LRPPRC: variants seen among roughly 807,000 people sequenced by gnomAD.
LRPPRC encodes the protein leucine rich pentatricopeptide repeat containing.
A neutral mutation model predicts 180.3 loss-of-function variants in LRPPRC; 120 were observed. The observed-to-expected ratio is 0.67, with a 90% CI of 0.57 to 0.77. The LOEUF (loss-of-function observed/expected upper bound fraction) is 0.77, where lower values mean the gene tolerates loss of function less well. Among genes scored for constraint, LRPPRC ranks in the 30% least tolerant of loss-of-function variants. LRPPRC has a pLI of 0.00. For missense variants in LRPPRC, 2,012 were observed against 1,657.2 expected, an observed-to-expected ratio of 1.21 and a Z score of -3.72; for synonymous variants, 723 against 600.0, an observed-to-expected ratio of 1.21 and a Z score of -3.00.
In LRPPRC at chr2:43,949,903, C is replaced by T. The variant is rs539679939; in HGVS notation, c.1678-244G>A. On this transcript the variant is annotated intron_variant, in intron 15 of 37. Transcript: ENST00000260665. ...CTGCAATGTTTTGTGAAATGTCACA[C>T]AGAAAGACTCTAAACTGATTTATAA... Among the ~76,000 whole-genome samples the T allele has an allele frequency of 2.9e-4, 44 of 152,290 alleles. 1 individual carries two copies. The highest frequency in any genetic ancestry group is 9.6e-4 in the African/African-American group (40 of 41,554).
chr2:43,925,082 G>T lies in LRPPRC; in HGVS notation c.2881C>A (p.Leu961Met). The change falls in exon 27 of 38, where the codon CTG becomes ATG. Residue 961 changes from leucine to methionine, a missense_variant. Transcript: ENST00000260665. ...ECDRDQMYYN[L>M]LKLYKINGDW... ...AATCACTTACTATACAGTTTTAGCA[G>T]ATTGTAGTACATCTGGTCTCTATCA... The T allele has an allele frequency of 6.4e-7, 1 of 1,567,430 alleles. No individual in the cohort carries two copies. The highest frequency in any genetic ancestry group is 8.8e-7 in the Non-Finnish European group (1 of 1,137,480).
chr2:43,983,798 G>A (rs1674413341), intron 1 of LRPPRC, among the ~76,000 whole-genome samples: 1 of 152,040 alleles, frequency 6.6e-6, no homozygotes, highest in Admixed American at 6.6e-5. Flanking sequence ...TTTTACTAAA[G>A]GAAACTATAC....
At chr2:43,978,274 A>G (rs1172262262) in intron 3 of LRPPRC, among the ~76,000 whole-genome samples, 4 of 152,164 alleles carry the variant, frequency 2.6e-5, no homozygotes, top group African/African-American at 7.2e-5. Context: ...CTGGCAAACT[A>G]CAAGGTTTCT....
rs936625438 is a variant in LRPPRC at position 43,928,121 on chromosome 2, A to G, written c.2737-2160T>C. Among the ~76,000 whole-genome samples, 3 of 152,238 alleles carry G rather than the reference A, an allele frequency of 2.0e-5. No individual in the cohort carries two copies. In the East Asian group the frequency reaches 5.8e-4, roughly 29 times the overall value. On this transcript the variant is annotated intron_variant, in intron 25 of 37. Coordinates refer to ENST00000260665, the MANE Select transcript of LRPPRC (RefSeq NM_133259.4). Reference sequence around the variant, plus strand: ...CAGTGAGGATACAGTAAGTATTTTTATAGAAACAATTGCATGTTTGTTTCC... The same window carrying G: ...CAGTGAGGATACAGTAAGTATTTTTGTAGAAACAATTGCATGTTTGTTTCC...
Position 43,982,274 on chromosome 2 carries a change from G to A in LRPPRC, c.310C>T (p.Leu104Phe). 6.4e-7 allele frequency: 1 copy of A among 1,574,642 alleles called. No homozygotes were observed. The highest frequency in any genetic ancestry group is 1.7e-4 in the Middle Eastern group (1 of 5,828). ...VRRTGRIPKK[L>F]LQKVFNDTCR... is the part of the protein sequence containing the mutation. Reference sequence around the variant, plus strand: ...GTATCATTAAAAACTTTTTGTAGAAGCTTCTTTGGAATGCGGCCAGTTCTT... The same window carrying A: ...GTATCATTAAAAACTTTTTGTAGAAACTTCTTTGGAATGCGGCCAGTTCTT... The change falls in exon 2 of 38, where the codon CTT becomes TTT. Residue 104 changes from leucine (L) to phenylalanine (F), a missense_variant. Coordinates refer to ENST00000260665, the MANE Select transcript of LRPPRC (RefSeq NM_133259.4).
At chr2:43,912,392 T>G (rs1338034140) in intron 30 of LRPPRC, 40 bp downstream of exon 30, 14 of 1,587,128 alleles carry the variant, frequency 8.8e-6, no homozygotes, top group Non-Finnish European at 1.1e-5. Context: ...GCCAATATTC[T>G]TTTTTAAACA....
At position 43,992,010 on chromosome 2, in the gene LRPPRC, G is replaced by A. The variant is rs115026755; in HGVS notation, c.149+3789C>T. 7.6e-3 allele frequency among the ~76,000 whole-genome samples: 1,160 copies of A among 152,274 alleles called. 16 individuals are homozygous for A. The highest frequency in any genetic ancestry group is 0.026 in the African/African-American group (1,101 of 41,550). ...ATATGCCACAAAGTTAAACACCAGG[G>A]AAAGCAAAAGGAGTAAGACACAGTA... On this transcript the variant is annotated intron_variant, in intron 1 of 37. Coordinates refer to ENST00000260665, the MANE Select transcript of LRPPRC (RefSeq NM_133259.4).
At chr2:43,915,197 G>GTCTCTCTCTCTC (rs1671405795) in intron 29 of LRPPRC, among the ~76,000 whole-genome samples, 1 of 35,426 alleles carries the variant, frequency 2.8e-5, no homozygotes, top group Non-Finnish European at 8.0e-5. Flanking sequence ...AACAGAACAA[G>GTCTCTCTCTCTC]ACTCTCTCTC....
intron 3 of LRPPRC, 50 bp downstream of exon 3, chr2:43,979,776 G>C: frequency 6.3e-7 from 1 of 1,577,256 alleles, no homozygotes; most frequent in Non-Finnish European, 8.7e-7. Context: ...TTTGCAAAAA[G>C]AAAAAACATC....
chr2:43,986,591 G>C (rs1238612115), intron 1 of LRPPRC, among the ~76,000 whole-genome samples: 1 of 152,182 alleles, frequency 6.6e-6, no homozygotes, highest in Non-Finnish European at 1.5e-5. Flanking sequence ...TGTTTAATTT[G>C]TGCTGGGTAT....
Position 43,912,451 on chromosome 2 carries a change from C to G in LRPPRC, c.3256G>C (p.Ala1086Pro). The G allele has an allele frequency of 6.2e-7, 1 of 1,609,456 alleles. No homozygotes were observed. Among genetic ancestry groups the G allele is most frequent in the Non-Finnish European group, 8.5e-7 (1 of 1,175,982 alleles). ...LLMSEDYFTQAMEVKAFAETH... is the reference protein window; with the variant it reads ...LLMSEDYFTQPMEVKAFAETH... ...ACTTACAATGCTTTCACTTCCATTG[C>G]TTGTGTAAAATAATCTTCTGACATC... The change falls in exon 30 of 38, where the codon GCA (alanine) becomes CCA (proline). Residue 1086 changes from alanine (A) to proline (P), a missense_variant. Ala to Pro is a conservative substitution (Grantham distance 27, BLOSUM62 -1). Coordinates refer to ENST00000260665, the MANE Select transcript of LRPPRC (RefSeq NM_133259.4).
chr2:43,912,481 A>T lies in LRPPRC; in HGVS notation c.3226T>A (p.Leu1076Ile). The T allele has an allele frequency of 6.3e-7, 1 of 1,599,990 alleles. No homozygotes were observed. The highest frequency in any genetic ancestry group is 8.6e-7 in the Non-Finnish European group (1 of 1,167,386). The change falls in exon 30 of 38, where the codon TTA (leucine) becomes ATA (isoleucine). Residue 1076 changes from leucine (L) to isoleucine (I), a missense_variant. By Grantham distance (5) the Leu-to-Ile change is conservative (BLOSUM62 2). Transcript: ENST00000260665. ...NAETYSNLIK[L>I]LMSEDYFTQA... ...GTAAAATAATCTTCTGACATCAGTAATTTAATGAGATTGCTGTAGGTTTCA... is the reference window on the plus strand; with the variant it reads ...GTAAAATAATCTTCTGACATCAGTATTTTAATGAGATTGCTGTAGGTTTCA...
chr2:43,947,717 A>C lies in LRPPRC; in HGVS notation c.1965+14T>G, dbSNP rs1404441127. The C allele has an allele frequency of 1.3e-6, 2 of 1,488,622 alleles. No individual in the cohort carries two copies. Among genetic ancestry groups the C allele is most frequent in the Non-Finnish European group, 9.4e-7 (1 of 1,066,266 alleles). 92.2% of individuals were successfully genotyped at this position (1,488,622 alleles called of 1,614,324 possible). On this transcript the variant is annotated intron_variant, in intron 19 of 37. Coordinates refer to ENST00000260665, the MANE Select transcript of LRPPRC (RefSeq NM_133259.4). Reference sequence around the variant, plus strand: ...GTATTATAGCATGTAGAATCTAGTCAAAATCCTACTTACTTTTTGAAAGTC... The same window carrying C: ...GTATTATAGCATGTAGAATCTAGTCCAAATCCTACTTACTTTTTGAAAGTC...
At chr2:43,956,674 G>A (rs1673130572) in intron 14 of LRPPRC, among the ~76,000 whole-genome samples, 1 of 152,126 alleles carries the variant, frequency 6.6e-6, no homozygotes, top group African/African-American at 2.4e-5. Flanking sequence ...TGAATCACCT[G>A]AGGTCAGGAG....
intron 25 of LRPPRC, among the ~76,000 whole-genome samples, chr2:43,932,581 G>A (rs949817487): frequency 6.6e-6 from 1 of 152,154 alleles, no homozygotes; most frequent in Non-Finnish European, 1.5e-5. Flanking sequence ...GCCTATTCAT[G>A]TGGCAAACAT....
chr2:43,932,517 A>C (rs964973701), intron 25 of LRPPRC, among the ~76,000 whole-genome samples: 9 of 152,168 alleles, frequency 5.9e-5, no homozygotes, highest in African/African-American at 2.2e-4. Context: ...AGCCATTCCT[A>C]AATGTGGTTG....
At chr2:43,955,247 C>T (rs1331659742) in intron 14 of LRPPRC, among the ~76,000 whole-genome samples, 1 of 152,062 alleles carries the variant, frequency 6.6e-6, no homozygotes, top group Non-Finnish European at 1.5e-5. Context: ...GTGGCAGGAT[C>T]ACCTGAGGCC....
At chr2:43,967,151 C>T (rs1316358035) in intron 11 of LRPPRC, among the ~76,000 whole-genome samples, 2 of 152,178 alleles carry the variant, frequency 1.3e-5, no homozygotes, top group African/African-American at 4.8e-5. Flanking sequence ...GTAATCCCAG[C>T]ACTTTGGGAA....
At chr2:43,969,016 T>G (rs571609071) in intron 11 of LRPPRC, among the ~76,000 whole-genome samples, 3 of 152,308 alleles carry the variant, frequency 2.0e-5, no homozygotes, top group African/African-American at 4.8e-5. Flanking sequence ...TGAATATATA[T>G]AGTTTGTGTC....
Sources: gnomAD v4.1 joint callset for allele counts (sites outside exome capture counted in the v4.1 genomes callset) on GRCh38, gnomAD v4.1.1 for gene constraint, MANE v1.5 for transcripts, NCBI Gene and HGNC (gene_info 2026-07-23, HGNC 2026-07-21) for gene names.